The following VPS13C variants were observed in gnomAD, a reference collection of about 807,000 sequenced individuals.
VPS13C encodes the protein intermembrane lipid transfer protein VPS13C.
In VPS13C, 358 loss-of-function variants were observed where a neutral mutation model predicts 456.8. The ratio of observed to expected loss-of-function variants is 0.78; its 90% CI spans 0.72 to 0.86. The LOEUF (loss-of-function observed/expected upper bound fraction) is 0.86. Among genes scored for constraint, VPS13C ranks in the 40% least tolerant of loss-of-function variants. The pLI is 0.00. For missense variants in VPS13C, 4,818 were observed against 4,385.4 expected, an observed-to-expected ratio of 1.10 and a Z score of -2.79; for synonymous variants, 1,578 against 1,486.7, an observed-to-expected ratio of 1.06 and a Z score of -1.41.
At chr15:62,030,722 ATAG>A (rs1567129414) in intron 5 of VPS13C, among the ~76,000 whole-genome samples, 1 of 152,102 alleles carries the variant, frequency 6.6e-6, no homozygotes, top group Admixed American at 6.6e-5. Context: ...GTGCAAGGAG[ATAG>A]TAAGAGAAGT....
At position 61,873,372 on chromosome 15, in the gene VPS13C, A is replaced by C. The variant is rs1173508703; in HGVS notation, c.10452T>G (p.Ser3484=). Reference sequence around the variant, plus strand: ...TAATTGCTGCCAAACCTTTCCCAACAGAACCGGTGATTCGAGATACAACTC... The same window carrying C: ...TAATTGCTGCCAAACCTTTCCCAACCGAACCGGTGATTCGAGATACAACTC... ...AAGVVSRITG[S]VGKGLAAITM... The change falls in exon 78 of 85, where the codon TCT becomes TCG. Residue 3484 remains serine, a synonymous_variant. Transcript: ENST00000644861. 1.9e-6 allele frequency: 3 copies of C among 1,613,770 alleles called. No homozygotes were observed. The highest frequency in any genetic ancestry group is 2.5e-6 in the Non-Finnish European group (3 of 1,179,778).
At chr15:62,013,246 GA>G (rs2047110914) in intron 10 of VPS13C, 127 bp from the exon 11 acceptor site, 2 of 539,834 alleles carry the variant, frequency 3.7e-6, no homozygotes, top group East Asian at 6.5e-5. Flanking sequence ...TTAAAGGAAA[GA>G]AAATAACATA....
chr15:62,008,958 A>G (rs576994393), intron 13 of VPS13C, among the ~76,000 whole-genome samples, 197 bp from the exon 14 acceptor site: 1 of 152,168 alleles, frequency 6.6e-6, no homozygotes, highest in Admixed American at 6.5e-5. Context: ...AATTTAAGAC[A>G]CTATCAATTT....
At position 61,934,230 on chromosome 15, in the gene VPS13C, C is replaced by A. The variant is rs1653157095; in HGVS notation, c.5857G>T (p.Asp1953Tyr). The A allele has an allele frequency of 1.3e-6, 2 of 1,576,482 alleles. No individual in the cohort carries two copies. Among genetic ancestry groups the A allele is most frequent in the African/African-American group, 1.4e-5 (1 of 73,686 alleles). ...AATGTATTACATACCTGGTTGATAT[C>A]ATTGTTATAAAGGATAATGGAAAGA... ...ESLSIILYNN[D>Y]INQESGVAFH... Residue 1953 changes from aspartate (D) to tyrosine (Y), a missense_variant, in exon 49 of 85, where the codon GAT (aspartate) becomes TAT (tyrosine). Physicochemically the swap from Asp to Tyr is radical, Grantham distance 160 (BLOSUM62 -3). This residue lies in a region of VPS13C where 4,552 missense variants were observed against 4,130.6 expected (regional missense o/e 1.10). Transcript: ENST00000644861.
At chr15:61,964,574 T>C in intron 31 of VPS13C, 125 bp downstream of exon 31, 2 of 931,880 alleles carry the variant, frequency 2.1e-6, no homozygotes, top group Non-Finnish European at 3.1e-6. Flanking sequence ...TCGCATATAA[T>C]TTAATTTGAA....
chr15:61,878,638 T>G lies in VPS13C; in HGVS notation c.10111A>C (p.Thr3371Pro). ...ATAAGGTCATCCACATCAGTCAGAG[T>G]AGCACCTATGCTTTTCAACAGCAAG... is the stretch of plus-strand genomic sequence containing the variant. Reference protein sequence around the residue: ...VNLLLKSIGATLTDVDDLIFK... With the variant: ...VNLLLKSIGAPLTDVDDLIFK... Residue 3371 changes from threonine to proline, a missense_variant, in exon 74 of 85, where the codon ACT (threonine) becomes CCT (proline). Transcript: ENST00000644861. 13 of 1,611,374 alleles carry G rather than the reference T, an allele frequency of 8.1e-6. No individual in the cohort carries two copies. Among genetic ancestry groups the G allele is most frequent in the Non-Finnish European group, 1.1e-5 (13 of 1,178,736 alleles).
chr15:61,874,931 T>C lies in VPS13C; in HGVS notation c.10359A>G (p.Glu3453=), dbSNP rs1895303756. 3 of 1,588,030 alleles carry C rather than the reference T, an allele frequency of 1.9e-6. No homozygotes were observed. The highest frequency in any genetic ancestry group is 2.6e-6 in the Non-Finnish European group (3 of 1,169,268). The change falls in exon 77 of 85, where the codon GAA becomes GAG. Residue 3453 remains glutamate, a synonymous_variant. Transcript: ENST00000644861. The part of the protein sequence containing the change: ...EPFQGAVQGP[E]EFAEGLVIGV... ...CAATCACTAACCCCTCTGCAAATTC[T>C]TCAGGGCCTTGAACAGCACCCTGGC...
At chr15:61,927,050 C>T (rs2043873291) in intron 52 of VPS13C, 41 bp downstream of exon 52, 2 of 1,551,242 alleles carry the variant, frequency 1.3e-6, no homozygotes, top group Non-Finnish European at 8.9e-7. Flanking sequence ...ACTGTTTCTG[C>T]CATTCTTCAA....
chr15:61,974,899 C>T (rs142160958), intron 24 of VPS13C, among the ~76,000 whole-genome samples: 5 of 152,138 alleles, frequency 3.3e-5, no homozygotes, highest in African/African-American at 1.2e-4. Context: ...TTACTCACTA[C>T]GAATCACCAC....
intron 30 of VPS13C, 34 bp downstream of exon 30, chr15:61,966,049 A>C: frequency 6.4e-7 from 1 of 1,553,108 alleles, no homozygotes; most frequent in Non-Finnish European, 8.8e-7. Flanking sequence ...GGTTATTTTC[A>C]AACAGGATAA....
intron 47 of VPS13C, among the ~76,000 whole-genome samples, chr15:61,937,790 A>G (rs1010738584): frequency 6.6e-6 from 1 of 151,944 alleles, no homozygotes; most frequent in Non-Finnish European, 1.5e-5. Context: ...TAGGCATAAT[A>G]CCAACTTTCT....
intron 16 of VPS13C, among the ~76,000 whole-genome samples, chr15:61,998,621 T>C (rs1294471583): frequency 6.6e-6 from 1 of 152,196 alleles, no homozygotes. Context: ...ATATAATTAG[T>C]AGATGGCAAA....
intron 15 of VPS13C, among the ~76,000 whole-genome samples, chr15:62,002,313 T>C (rs2046653218): frequency 6.6e-6 from 1 of 152,212 alleles, no homozygotes; most frequent in Non-Finnish European, 1.5e-5. Context: ...AGCATAAATG[T>C]CTTCTTTTGA....
intron 66 of VPS13C, among the ~76,000 whole-genome samples, chr15:61,898,153 A>G (rs546328759): frequency 1.6e-4 from 25 of 152,284 alleles, no homozygotes; most frequent in Admixed American, 5.2e-4. Context: ...AAATCATGCC[A>G]AAATGTAAAG....
At chr15:61,930,242 T>A (rs2044010887) in intron 50 of VPS13C, among the ~76,000 whole-genome samples, 1 of 152,228 alleles carries the variant, frequency 6.6e-6, no homozygotes, top group Non-Finnish European at 1.5e-5. Flanking sequence ...GTTTATCAAG[T>A]GTGCTCAACT....
At chr15:61,912,308 A>G (rs1360994001) in intron 62 of VPS13C, among the ~76,000 whole-genome samples, 1 of 152,208 alleles carries the variant, frequency 6.6e-6, no homozygotes, top group Non-Finnish European at 1.5e-5. Flanking sequence ...TTGCTTTATA[A>G]TTAGTGTACA....
chr15:62,006,587 C>A (rs1468261105), intron 15 of VPS13C, among the ~76,000 whole-genome samples: 2 of 152,156 alleles, frequency 1.3e-5, no homozygotes, highest in East Asian at 3.9e-4. Flanking sequence ...GTCTTTATAG[C>A]AGCGTGATTT....
At chr15:61,943,572 A>C (rs1304715328) in intron 45 of VPS13C, among the ~76,000 whole-genome samples, 2 of 152,188 alleles carry the variant, frequency 1.3e-5, no homozygotes, top group African/African-American at 4.8e-5. Context: ...CCATATGCAA[A>C]AGAATGAAAC....
At chr15:61,856,610 A>G (rs1293971728) in intron 82 of VPS13C, 1 of 400,512 alleles carries the variant, frequency 2.5e-6, no homozygotes, top group Non-Finnish European at 4.3e-6. Flanking sequence ...ACCAAGCAAC[A>G]AAGTAGACTC....
Sources: gnomAD v4.1 joint callset for allele counts (sites outside exome capture counted in the v4.1 genomes callset) on GRCh38, gnomAD v4.1.1 for gene constraint, gnomAD v4.1.1 regional missense constraint, MANE v1.5 for transcripts, NCBI Gene and HGNC (gene_info 2026-07-23, HGNC 2026-07-21) for gene names.